Variants in EFCAB13 observed in about 807,000 individuals in gnomAD.
EFCAB13 encodes EF-hand calcium binding domain 13.
Under a neutral mutation model 110.2 loss-of-function variants are expected in EFCAB13, and 91 were observed. The observed-to-expected ratio is 0.83, with a 90% CI of 0.70 to 0.98. The LOEUF (loss-of-function observed/expected upper bound fraction) is 0.98. Among genes scored for constraint, EFCAB13 ranks in the 50% least tolerant of loss-of-function variants. The pLI is 0.00. For synonymous variants in EFCAB13, 323 were observed against 369.9 expected (o/e 0.87, Z 1.45); for missense variants, 968 against 1,119.4 (o/e 0.86, Z 1.93).
intron 9 of EFCAB13, among the ~76,000 whole-genome samples, chr17:47,351,300 TGTGTGCGCGCGCGCGC>T (rs769371176): frequency 0.045 from 4,946 of 110,662 alleles, 133 homozygotes; most frequent in Admixed American, 0.12. Flanking sequence ...TGTGTGTGTG[TGTGTGCGCGCGCGCGC>T]GCGCGCGCGC....
chr17:47,356,419 G>A (rs1056574072), intron 9 of EFCAB13, among the ~76,000 whole-genome samples: 19 of 152,056 alleles, frequency 1.2e-4, no homozygotes, highest in African/African-American at 4.1e-4. Context: ...CTTCCCCTAG[G>A]GGCTTCCTGA....
At chr17:47,390,358 T>C (rs892135183) in intron 14 of EFCAB13, among the ~76,000 whole-genome samples, 3 of 147,332 alleles carry the variant, frequency 2.0e-5, no homozygotes, top group Non-Finnish European at 3.0e-5. Flanking sequence ...TCTCTCTCTC[T>C]CTCTGTGTTT....
Position 47,374,830 on chromosome 17 carries a change from T to C in EFCAB13, c.1236T>C (p.Ser412=). 1 of 1,613,842 alleles carries C rather than the reference T, an allele frequency of 6.2e-7. No individual in the cohort carries two copies. The highest frequency in any genetic ancestry group is 8.5e-7 in the Non-Finnish European group (1 of 1,179,946). ...AGTCTAAACCACAAAGCTTGAAGAG[T>C]AGTACAAGCCTCAGTAAGTCTCTGG... ...DSKSKPQSLK[S]STSLSKSLDK... Residue 412 remains serine, a synonymous_variant, in exon 12 of 25, where the codon AGT becomes AGC. Coordinates refer to ENST00000331493, the MANE Select transcript of EFCAB13 (RefSeq NM_152347.5).
At chr17:47,432,727 CAT>C (rs1905142443) in intron 24 of EFCAB13, among the ~76,000 whole-genome samples, 1 of 151,986 alleles carries the variant, frequency 6.6e-6, no homozygotes, top group Non-Finnish European at 1.5e-5. Context: ...TTAGGGATAA[CAT>C]ATCTTTTTTG....
In EFCAB13 at chr17:47,435,919, G is replaced by A. The variant is rs890820534; in HGVS notation, c.2639-4512G>A. Among the ~76,000 whole-genome samples, 21 of 152,112 alleles carry A rather than the reference G, an allele frequency of 1.4e-4. 1 individual carries two copies. ...CCATTCAGTATTATGTCGGCTGTGG[G>A]TTTGTCATAGATGGCTTTTATTACA... On this transcript the variant is annotated intron_variant, in intron 24 of 24. Transcript: ENST00000331493.
chr17:47,340,713 C>T (rs1388355464), intron 5 of EFCAB13, among the ~76,000 whole-genome samples: 1 of 151,086 alleles, frequency 6.6e-6, no homozygotes, highest in Non-Finnish European at 1.5e-5. Context: ...AATTCTCCTG[C>T]CTCAGCCTCC....
At chr17:47,391,712 G>A in intron 15 of EFCAB13, 132 bp downstream of exon 15, 1 of 747,526 alleles carries the variant, frequency 1.3e-6, no homozygotes, top group South Asian at 2.5e-5. Context: ...AAAAAGTATG[G>A]AAATACTCAA....
At chr17:47,411,665 T>C (rs1390399642) in intron 21 of EFCAB13, among the ~76,000 whole-genome samples, 2 of 152,214 alleles carry the variant, frequency 1.3e-5, no homozygotes, top group Non-Finnish European at 2.9e-5. Context: ...TCTAAGATGA[T>C]ATTATGGTGT....
chr17:47,360,314 C>T (rs957543106), intron 9 of EFCAB13, among the ~76,000 whole-genome samples: 1 of 152,054 alleles, frequency 6.6e-6, no homozygotes, highest in African/African-American at 2.4e-5. Context: ...TAATGATCGC[C>T]ATTCTAACTG....
At chr17:47,347,271 C>A (rs1008397088) in intron 8 of EFCAB13, among the ~76,000 whole-genome samples, 2 of 152,192 alleles carry the variant, frequency 1.3e-5, no homozygotes, top group African/African-American at 4.8e-5. Context: ...CAGAGAAACT[C>A]TGGCTCTAAA....
At chr17:47,336,196 G>A (rs2065348990) in intron 5 of EFCAB13, among the ~76,000 whole-genome samples, 1 of 151,442 alleles carries the variant, frequency 6.6e-6, no homozygotes, top group Non-Finnish European at 1.5e-5. Context: ...GCGCAGCCAT[G>A]GCTCACTGCA....
intron 20 of EFCAB13, among the ~76,000 whole-genome samples, chr17:47,405,709 G>T (rs111633567): frequency 0.088 from 13,310 of 150,780 alleles, 845 homozygotes; most frequent in East Asian, 0.35. Flanking sequence ...TATATATATA[G>T]GTATATATAT....
chr17:47,355,539 C>T (rs543409770), intron 9 of EFCAB13, among the ~76,000 whole-genome samples: 5 of 150,628 alleles, frequency 3.3e-5, no homozygotes, highest in African/African-American at 4.9e-5. Context: ...GGTCATTTAA[C>T]GTAATCCCAA....
chr17:47,421,108 G>T lies in EFCAB13; in HGVS notation c.2494+6189G>T, dbSNP rs564932197. Among the ~76,000 whole-genome samples, 413 of 152,042 alleles carry T rather than the reference G, an allele frequency of 2.7e-3. 2 individuals are homozygous for T. Among genetic ancestry groups the T allele is most frequent in the Non-Finnish European group, 4.8e-3 (327 of 67,936 alleles). The stretch of plus-strand genomic sequence containing the variant: ...GGCCGCGCCTACTGGGAAGTGAGGA[G>T]CCCCTCTGCCCGGCCACCACCCCGT... On this transcript the variant is annotated intron_variant, in intron 23 of 24. Coordinates refer to ENST00000331493, the MANE Select transcript of EFCAB13 (RefSeq NM_152347.5).
rs374451360 is a variant in EFCAB13 at position 47,402,015 on chromosome 17, G to A, written c.1946-117G>A. ...TAATCCTTTGGTTATTCAAAAATAT[G>A]AAAAGGAAATATGATTCTTAGGAGT... On this transcript the variant is annotated intron_variant, in intron 17 of 24. Transcript: ENST00000331493. The A allele has an allele frequency of 1.6e-4, 125 of 768,712 alleles. No homozygotes were observed. The East Asian group carries it at 2.5e-3, about 16-fold the overall frequency. The allele number at this position is 768,712 out of a possible 1,614,324, so 47.6% of individuals were successfully genotyped here. A position where few individuals can be genotyped will look rare whatever the true frequency, so the allele number is the denominator to read the frequency against.
chr17:47,342,970 G>A (rs1477428506), intron 6 of EFCAB13, among the ~76,000 whole-genome samples: 1 of 151,776 alleles, frequency 6.6e-6, no homozygotes, highest in East Asian at 1.9e-4. Context: ...TTATTTGATG[G>A]TTCTTAAAAT....
In EFCAB13 at chr17:47,440,457, T is replaced by C. The variant is rs1375425061; in HGVS notation, c.2665T>C (p.Phe889Leu). The C allele has an allele frequency of 6.3e-7, 1 of 1,599,726 alleles. No homozygotes were observed. The highest frequency in any genetic ancestry group is 8.5e-7 in the Non-Finnish European group (1 of 1,175,180). The change falls in exon 25 of 25, where the codon TTT becomes CTT. Residue 889 changes from phenylalanine to leucine, a missense_variant. Coordinates refer to ENST00000331493, the MANE Select transcript of EFCAB13 (RefSeq NM_152347.5). ...HESGKVSIQE[F>L]MTKLSDILTI... is the part of the protein sequence containing the mutation. ...AAGTGGCAAGGTTAGCATTCAAGAA[T>C]TTATGACTAAATTATCCGATATATT...
At chr17:47,336,123 T>G (rs947779480) in intron 5 of EFCAB13, among the ~76,000 whole-genome samples, 1 of 150,954 alleles carries the variant, frequency 6.6e-6, no homozygotes, top group African/African-American at 2.4e-5. Context: ...TTAAGATATT[T>G]GAATAGTTTT....
In EFCAB13 at chr17:47,394,080, A is replaced by C; in HGVS notation, c.1782A>C (p.Glu594Asp). ...TTGATACTATGATGAGCAACACGGA[A>C]TGCTTCTCTGAAAAATTAGGTACGT... ...EFIDTMMSNTECFSEKLVLPD... is the reference protein window; with the variant it reads ...EFIDTMMSNTDCFSEKLVLPD... The change falls in exon 16 of 25, where the codon GAA becomes GAC. Residue 594 changes from glutamate to aspartate, a missense_variant. By Grantham distance (45) the Glu-to-Asp change is conservative (BLOSUM62 2). Transcript: ENST00000331493. The C allele has an allele frequency of 1.3e-6, 2 of 1,536,898 alleles. No individual in the cohort carries two copies. Among genetic ancestry groups the C allele is most frequent in the Non-Finnish European group, 1.7e-6 (2 of 1,145,020 alleles).
Sources: allele counts gnomAD v4.1 joint callset (sites outside exome capture counted in the v4.1 genomes callset), GRCh38; gene constraint gnomAD v4.1.1; transcripts MANE v1.5; gene names NCBI Gene and HGNC (gene_info 2026-07-23, HGNC 2026-07-21).